Variants in GALNT7 observed in about 807,000 individuals in gnomAD.
GALNT7 encodes N-acetylgalactosaminyltransferase 7.
Under a neutral mutation model 82.1 loss-of-function variants are expected in GALNT7, and 60 were observed. The ratio of observed to expected loss-of-function variants is 0.73; its 90% CI spans 0.59 to 0.91. The LOEUF is 0.91. Ranked by LOEUF, GALNT7 falls within the 40% of genes least tolerant of loss-of-function variation. GALNT7 has a pLI of 0.00. For synonymous variants in GALNT7, 243 were observed against 275.1 expected (o/e 0.88, Z 1.15); for missense variants, 660 against 804.2 (o/e 0.82, Z 2.17).
chr4:173,297,341 G>T (rs919739903), intron 5 of GALNT7, among the ~76,000 whole-genome samples: 2 of 151,516 alleles, frequency 1.3e-5, no homozygotes, highest in African/African-American at 4.9e-5. Context: ...CTGTTCCCAA[G>T]AAATAGCAAC....
intron 3 of GALNT7, among the ~76,000 whole-genome samples, chr4:173,294,891 T>A (rs552647044): frequency 6.6e-6 from 1 of 152,300 alleles, no homozygotes; most frequent in African/African-American, 2.4e-5. Context: ...GGAACCATAT[T>A]CATCATACCA....
intron 8 of GALNT7, among the ~76,000 whole-genome samples, chr4:173,308,054 C>G (rs978348002): frequency 2.0e-5 from 3 of 152,200 alleles, no homozygotes; most frequent in African/African-American, 4.8e-5. Flanking sequence ...TTCTTTGTTC[C>G]TAGCTATCTC....
At chr4:173,271,435 C>CTGTT (rs111756974) in intron 2 of GALNT7, among the ~76,000 whole-genome samples, 66 of 151,970 alleles carry the variant, frequency 4.3e-4, no homozygotes, top group Non-Finnish European at 6.5e-4. Context: ...TTATGTTAAA[C>CTGTT]TGTTTGTTTG....
chr4:173,276,804 G>C (rs1216472857), intron 2 of GALNT7, among the ~76,000 whole-genome samples: 1 of 152,200 alleles, frequency 6.6e-6, no homozygotes, highest in Non-Finnish European at 1.5e-5. Flanking sequence ...TGATGACTAG[G>C]TTGCATGAAA....
intron 1 of GALNT7, among the ~76,000 whole-genome samples, chr4:173,180,545 CT>C (rs1436295902): frequency 6.6e-6 from 1 of 152,138 alleles, no homozygotes; most frequent in Non-Finnish European, 1.5e-5. Context: ...CCAGACTGGT[CT>C]CGAACTTCTG....
chr4:173,239,095 G>A (rs1190634238), intron 1 of GALNT7, among the ~76,000 whole-genome samples: 2 of 152,130 alleles, frequency 1.3e-5, no homozygotes, highest in Admixed American at 6.5e-5. Context: ...AACATCAGCA[G>A]ATTTCCTTTT....
intron 1 of GALNT7, among the ~76,000 whole-genome samples, chr4:173,189,675 A>G (rs1209552839): frequency 1.3e-5 from 2 of 152,224 alleles, no homozygotes; most frequent in African/African-American, 4.8e-5. Flanking sequence ...TTCTTTTGGC[A>G]ACTCCCTGCA....
chr4:173,179,426 T>G (rs1732176486), intron 1 of GALNT7, among the ~76,000 whole-genome samples: 1 of 152,204 alleles, frequency 6.6e-6, no homozygotes, highest in South Asian at 2.1e-4. Flanking sequence ...GAGGATTGCT[T>G]GAGGCTAGAA....
chr4:173,209,900 C>T (rs2126668679), intron 1 of GALNT7, among the ~76,000 whole-genome samples: 1 of 152,252 alleles, frequency 6.6e-6, no homozygotes, highest in Non-Finnish European at 1.5e-5. Flanking sequence ...TTTGGGAGGC[C>T]GAGGCAGGTG....
chr4:173,203,380 C>T (rs922032469), intron 1 of GALNT7, among the ~76,000 whole-genome samples: 2 of 152,226 alleles, frequency 1.3e-5, no homozygotes, highest in Admixed American at 6.5e-5. Context: ...CGTGAGCCAC[C>T]GTGCCCAGCC....
intron 3 of GALNT7, among the ~76,000 whole-genome samples, chr4:173,294,536 T>G (rs1049306273): frequency 6.6e-6 from 1 of 152,134 alleles, no homozygotes; most frequent in Non-Finnish European, 1.5e-5. Context: ...TGATTGCATA[T>G]TCATGGGCCA....
At chr4:173,247,614 G>A (rs1336680471) in intron 1 of GALNT7, among the ~76,000 whole-genome samples, 1 of 152,100 alleles carries the variant, frequency 6.6e-6, no homozygotes, top group African/African-American at 2.4e-5. Flanking sequence ...ACCACATACT[G>A]TACAAACATG....
rs1389490779 is a variant in GALNT7, at chr4:173,288,273, A to T, written c.588-3835A>T. Among the ~76,000 whole-genome samples the T allele has an allele frequency of 4.2e-5, 5 of 119,192 alleles. No individual in the cohort carries two copies. In the East Asian group the frequency reaches 1.2e-3, roughly 29 times the overall value. The allele number at this position is 119,192 out of a possible 152,430, so 78.2% of individuals were successfully genotyped here. A position where few individuals can be genotyped will look rare whatever the true frequency, so the allele number is the denominator to read the frequency against. ...ACTCCAGCCTGGGCGACAGAGCGAG[A>T]CTCCATCTCAAAAAAAAAAAAAAAA... On this transcript the variant is annotated intron_variant, in intron 2 of 11. Transcript: ENST00000265000.
At position 173,293,793 on chromosome 4, in the gene GALNT7, C is replaced by T. The variant is rs148529540; in HGVS notation, c.754+1519C>T. Reference sequence around the variant, plus strand: ...CTTGTGGGTCAGCCTAGCTCTGCACCCCATCCTCACCACAGGACCCAGGCG... The same window carrying T: ...CTTGTGGGTCAGCCTAGCTCTGCACTCCATCCTCACCACAGGACCCAGGCG... On this transcript the variant is annotated intron_variant, in intron 3 of 11. Coordinates refer to ENST00000265000, the MANE Select transcript of GALNT7 (RefSeq NM_017423.3). 2.9e-3 allele frequency among the ~76,000 whole-genome samples: 448 copies of T among 152,310 alleles called. 1 individual carries two copies. The highest frequency in any genetic ancestry group is 5.1e-3 in the Non-Finnish European group (347 of 68,024).
chr4:173,190,365 A>G (rs552480750), intron 1 of GALNT7, among the ~76,000 whole-genome samples: 8 of 152,326 alleles, frequency 5.3e-5, no homozygotes, highest in Non-Finnish European at 1.2e-4. Flanking sequence ...TGAGTGGGTA[A>G]CTAATGAGAT....
chr4:173,293,580 C>T (rs945161354), intron 3 of GALNT7, among the ~76,000 whole-genome samples: 5 of 152,164 alleles, frequency 3.3e-5, no homozygotes, highest in Non-Finnish European at 5.9e-5. Flanking sequence ...GGAGCTAACT[C>T]GTAATAGCAC....
intron 8 of GALNT7, among the ~76,000 whole-genome samples, chr4:173,306,419 G>C (rs1411977873): frequency 2.0e-5 from 3 of 152,200 alleles, no homozygotes; most frequent in East Asian, 3.8e-4. Flanking sequence ...TAGAAGTGGG[G>C]AGAGTGGGCA....
intron 1 of GALNT7, among the ~76,000 whole-genome samples, chr4:173,201,749 T>G (rs1223102251): frequency 6.6e-6 from 1 of 152,204 alleles, no homozygotes; most frequent in Non-Finnish European, 1.5e-5. Context: ...TCTGTGTTAA[T>G]TAGCTTGAAG....
intron 2 of GALNT7, among the ~76,000 whole-genome samples, chr4:173,260,095 A>G (rs1735201749): frequency 6.6e-6 from 1 of 152,240 alleles, no homozygotes; most frequent in South Asian, 2.1e-4. Context: ...ACTTATAAAT[A>G]TTGTAGTTAC....
Sources: allele counts gnomAD v4.1 joint callset (sites outside exome capture counted in the v4.1 genomes callset), GRCh38; gene constraint gnomAD v4.1.1; transcripts MANE v1.5; gene names NCBI Gene and HGNC (gene_info 2026-07-23, HGNC 2026-07-21).